The following NSL1 variants were observed in gnomAD, a reference collection of about 807,000 sequenced individuals.
NSL1 encodes kinetochore-associated protein NSL1 homolog.
Under a neutral mutation model 25.4 loss-of-function variants are expected in NSL1, and 11 were observed. That is an observed-to-expected ratio of 0.43 (90% confidence interval 0.27 to 0.72). The LOEUF (loss-of-function observed/expected upper bound fraction) is 0.72, where lower values mean the gene tolerates loss of function less well. Among genes scored for constraint, NSL1 ranks in the 30% least tolerant of loss-of-function variants. The probability of loss-of-function intolerance (pLI) is 0.19; values close to 1 mark genes in which losing one functional copy is unlikely to be tolerated. For missense variants in NSL1, 330 were observed against 342.7 expected, an observed-to-expected ratio of 0.96 and a Z score of 0.29; for synonymous variants, 118 against 120.6, an observed-to-expected ratio of 0.98 and a Z score of 0.14.
In NSL1 at chr1:212,733,315, C is replaced by T. The variant is rs1323496045; in HGVS notation, c.*5093G>A. 6.6e-6 allele frequency among the ~76,000 whole-genome samples: 1 copy of T among 151,972 alleles called. No homozygotes were observed. Among genetic ancestry groups the T allele is most frequent in the African/African-American group, 2.4e-5 (1 of 41,372 alleles). On this transcript the variant is annotated 3_prime_UTR_variant, in exon 6 of 6. Transcript: ENST00000366977. Reference sequence around the variant, plus strand: ...GGCATGATGGTGCATGCCTATAGTCCCACCTACTTGGGAGGCTAAGGTGGG... The same window carrying T: ...GGCATGATGGTGCATGCCTATAGTCTCACCTACTTGGGAGGCTAAGGTGGG...
chr1:212,778,382 G>C (rs181826825), intron 4 of NSL1, among the ~76,000 whole-genome samples: 24 of 152,174 alleles, frequency 1.6e-4, no homozygotes, highest in African/African-American at 5.1e-4. Flanking sequence ...CTCTTTAAAA[G>C]CGTCAGTTTT....
chr1:212,739,578 A>C lies in NSL1; in HGVS notation c.523T>G (p.Cys175Gly). ...TCCTTTGCTACTGTTTCCCCTCTGC[A>C]TTTCAAATTTTCCATATGAGGGGCT... is the stretch of plus-strand genomic sequence containing the variant. ...DPAPHMENLK[C>G]RGETVAKEIS... Residue 175 changes from cysteine (C) to glycine (G), a missense_variant, in exon 5 of 6, where the codon TGC becomes GGC. Physicochemically the swap from Cys to Gly is radical, Grantham distance 159. Coordinates refer to ENST00000366977, the MANE Select transcript of NSL1 (RefSeq NM_015471.4). 1 of 1,613,524 alleles carries C rather than the reference A, an allele frequency of 6.2e-7. No homozygotes were observed. The highest frequency in any genetic ancestry group is 8.5e-7 in the Non-Finnish European group (1 of 1,179,722).
In NSL1 at chr1:212,732,133, T is replaced by G. The variant is rs1331781300; in HGVS notation, c.*6275A>C. ...TAATTTGTAACCATGATTACATTTC[T>G]TTTTTTGTACAGCTTTCTGCCTCTA... On this transcript the variant is annotated 3_prime_UTR_variant, in exon 6 of 6. Coordinates refer to ENST00000366977, the MANE Select transcript of NSL1 (RefSeq NM_015471.4). 10 of 984,488 alleles carry G rather than the reference T, an allele frequency of 1.0e-5. No homozygotes were observed. Among genetic ancestry groups the G allele is most frequent in the Non-Finnish European group, 1.2e-5 (10 of 829,230 alleles). The allele number at this position is 984,488 out of a possible 1,614,324, so 61.0% of individuals were successfully genotyped here. A position where few individuals can be genotyped will look rare whatever the true frequency, so the allele number is the denominator to read the frequency against.
intron 4 of NSL1, among the ~76,000 whole-genome samples, chr1:212,750,737 C>T (rs538590933): frequency 3.3e-5 from 5 of 151,912 alleles, no homozygotes; most frequent in Admixed American, 3.3e-4. Context: ...GTCAGGAGTT[C>T]GAGACTAGCC....
chr1:212,776,346 A>G (rs1660367669), intron 4 of NSL1, among the ~76,000 whole-genome samples: 1 of 151,676 alleles, frequency 6.6e-6, no homozygotes, highest in African/African-American at 2.4e-5. Context: ...CTGGGCAACA[A>G]GAGAGAAACT....
intron 2 of NSL1, among the ~76,000 whole-genome samples, chr1:212,785,303 A>C (rs565373640): frequency 6.6e-6 from 1 of 152,308 alleles, no homozygotes; most frequent in South Asian, 2.1e-4. Context: ...AGTGATTCTC[A>C]AATGTTAGAA....
chr1:212,746,801 T>G (rs575068576), intron 4 of NSL1, among the ~76,000 whole-genome samples: 156 of 152,356 alleles, frequency 1.0e-3, no homozygotes, highest in African/African-American at 3.6e-3. Flanking sequence ...TATGTGTACT[T>G]TGCCACTGCC....
In NSL1 at chr1:212,732,086, T is replaced by A; in HGVS notation, c.*6322A>T. Reference sequence around the variant, plus strand: ...CAGGGTTTTTATTATTATGGCTATATAAATATTGTTCACTGGAGAACTAAT... The same window carrying A: ...CAGGGTTTTTATTATTATGGCTATAAAAATATTGTTCACTGGAGAACTAAT... On this transcript the variant is annotated 3_prime_UTR_variant, in exon 6 of 6. Transcript: ENST00000366977. 1 of 975,436 alleles carries A rather than the reference T, an allele frequency of 1.0e-6. No homozygotes were observed. The highest frequency in any genetic ancestry group is 1.2e-6 in the Non-Finnish European group (1 of 821,244). 60.4% of individuals were successfully genotyped at this position (975,436 alleles called of 1,614,324 possible). A position where few individuals can be genotyped will look rare whatever the true frequency, so the allele number is the denominator to read the frequency against.
rs535402022 is a variant in NSL1, at chr1:212,732,374, G to A, written c.*6034C>T. ...GTTGCCCAGGCTGGAGTGCGATGGCGTGATCTTGGCTCACTGCAACCTCTG... is the reference window on the plus strand; with the variant it reads ...GTTGCCCAGGCTGGAGTGCGATGGCATGATCTTGGCTCACTGCAACCTCTG... On this transcript the variant is annotated 3_prime_UTR_variant, in exon 6 of 6. Coordinates refer to ENST00000366977, the MANE Select transcript of NSL1 (RefSeq NM_015471.4). The A allele has an allele frequency of 3.2e-5, 21 of 661,410 alleles. No individual in the cohort carries two copies. The highest frequency in any genetic ancestry group is 1.4e-4 in the South Asian group (2 of 14,684). The allele number at this position is 661,410 out of a possible 1,614,324, so 41.0% of individuals were successfully genotyped here.
chr1:212,784,616 G>C (rs549351785), intron 2 of NSL1, 123 bp from the exon 3 acceptor site: 2 of 530,694 alleles, frequency 3.8e-6, no homozygotes, highest in Non-Finnish European at 6.3e-6. Flanking sequence ...AACAAATATG[G>C]CAAGTTAATG....
intron 1 of NSL1, among the ~76,000 whole-genome samples, chr1:212,790,115 G>T (rs750107191): frequency 6.6e-6 from 1 of 152,024 alleles, no homozygotes; most frequent in African/African-American, 2.4e-5. Flanking sequence ...CCGGGTTCAC[G>T]CCATTCTCCT....
Position 212,733,202 on chromosome 1 carries a change from C to T in NSL1, c.*5206G>A, listed in dbSNP as rs1658097300. On this transcript the variant is annotated 3_prime_UTR_variant, in exon 6 of 6. Coordinates refer to ENST00000366977, the MANE Select transcript of NSL1 (RefSeq NM_015471.4). ...GCCTGTAATCCAGCACTTTGGGAGG[C>T]AGAGGTGGGCGGATCGCTTGAGCTC... Among the ~76,000 whole-genome samples, 1 of 152,130 alleles carries T rather than the reference C, an allele frequency of 6.6e-6. No individual in the cohort carries two copies. Among genetic ancestry groups the T allele is most frequent in the South Asian group, 2.1e-4 (1 of 4,824 alleles).
chr1:212,743,152 T>C (rs1658581428), intron 4 of NSL1, among the ~76,000 whole-genome samples: 1 of 152,186 alleles, frequency 6.6e-6, no homozygotes, highest in African/African-American at 2.4e-5. Context: ...GCAAAGATTT[T>C]TGTTTACTTT....
chr1:212,772,803 T>C (rs1056109677), intron 4 of NSL1, among the ~76,000 whole-genome samples: 20 of 152,132 alleles, frequency 1.3e-4, no homozygotes, highest in Non-Finnish European at 4.4e-5. Context: ...CTTCAAAATA[T>C]ACTACAAAGC....
intron 4 of NSL1, among the ~76,000 whole-genome samples, chr1:212,761,394 A>G (rs1659556037): frequency 6.6e-6 from 1 of 152,180 alleles, no homozygotes; most frequent in African/African-American, 2.4e-5. Context: ...CACAAAAATT[A>G]CAAAAAATTA....
intron 4 of NSL1, among the ~76,000 whole-genome samples, chr1:212,781,666 C>T (rs1388010776): frequency 2.6e-5 from 4 of 152,078 alleles, no homozygotes; most frequent in East Asian, 1.9e-4. Flanking sequence ...TAAATAAATC[C>T]GGGATTTAAC....
At chr1:212,782,480 A>G in intron 3 of NSL1, 54 bp from the exon 4 acceptor site, 1 of 1,235,064 alleles carries the variant, frequency 8.1e-7, no homozygotes, top group Non-Finnish European at 1.2e-6. Flanking sequence ...TCATATAAAC[A>G]TCTCTTTCAG....
At chr1:212,754,829 A>G (rs1032964) in intron 4 of NSL1, among the ~76,000 whole-genome samples, 97,174 of 149,226 alleles carry the variant, frequency 0.65, 32,078 homozygotes, top group Non-Finnish European at 0.69. Flanking sequence ...GCCAGGAAGC[A>G]AAGCTTACTT....
chr1:212,789,496 G>A (rs1176123127), intron 1 of NSL1, among the ~76,000 whole-genome samples: 2 of 152,254 alleles, frequency 1.3e-5, no homozygotes, highest in African/African-American at 4.8e-5. Flanking sequence ...ACAGGCGTAA[G>A]CCATCGCGCC....
Sources: gnomAD v4.1 joint callset for allele counts (sites outside exome capture counted in the v4.1 genomes callset) on GRCh38, gnomAD v4.1.1 for gene constraint, MANE v1.5 for transcripts, NCBI Gene and HGNC (gene_info 2026-07-23, HGNC 2026-07-21) for gene names.